Variants in CEP128 observed in about 807,000 individuals in gnomAD.
CEP128 encodes centrosomal protein 128.
Under a neutral mutation model 156.7 loss-of-function variants are expected in CEP128, and 132 were observed. The observed-to-expected ratio is 0.84, with a 90% CI of 0.73 to 0.97. CEP128 has a LOEUF of 0.97. Among genes scored for constraint, CEP128 ranks in the 50% least tolerant of loss-of-function variants. The probability of loss-of-function intolerance (pLI) is 0.00; values close to 1 mark genes in which losing one functional copy is unlikely to be tolerated. For missense variants in CEP128, 1,252 were observed against 1,281.9 expected, an observed-to-expected ratio of 0.98 and a Z score of 0.36; for synonymous variants, 469 against 448.9, an observed-to-expected ratio of 1.04 and a Z score of -0.57.
At chr14:80,546,472 T>C (rs970099036) in intron 21 of CEP128, among the ~76,000 whole-genome samples, 1 of 152,162 alleles carries the variant, frequency 6.6e-6, no homozygotes, top group Non-Finnish European at 1.5e-5. Flanking sequence ...AAAACTAATG[T>C]AGAAGTAGGA....
At chr14:80,840,230 A>G (rs1886286208) in intron 10 of CEP128, among the ~76,000 whole-genome samples, 2 of 152,174 alleles carry the variant, frequency 1.3e-5, no homozygotes, top group Non-Finnish European at 2.9e-5. Flanking sequence ...GTTCATAGAA[A>G]TGAACACACA....
intron 9 of CEP128, 82 bp downstream of exon 9, chr14:80,862,675 T>C (rs1157675482): frequency 1.1e-6 from 1 of 897,368 alleles, no homozygotes; most frequent in Non-Finnish European, 1.9e-6. Flanking sequence ...AATTATACTG[T>C]CACATGCAAT....
chr14:80,782,544 A>G lies in CEP128; in HGVS notation c.2211+2351T>C, dbSNP rs552280361. ...ACTGCTCCTAATTTCTTGGTGCACT[A>G]CTGTCCTATTCTACTTCAGAGAGAA... On this transcript the variant is annotated intron_variant, in intron 15 of 24. Transcript: ENST00000555265. Among the ~76,000 whole-genome samples, 17 of 152,242 alleles carry G rather than the reference A, an allele frequency of 1.1e-4. No homozygotes were observed. The South Asian group carries it at 3.5e-3, about 32-fold the overall frequency.
intron 19 of CEP128, among the ~76,000 whole-genome samples, chr14:80,668,168 G>A (rs1895702477): frequency 6.6e-6 from 1 of 152,110 alleles, no homozygotes; most frequent in Non-Finnish European, 1.5e-5. Flanking sequence ...TATCACTGAG[G>A]AAACAAAGGC....
intron 2 of CEP128, among the ~76,000 whole-genome samples, chr14:80,937,308 G>A (rs977685897): frequency 4.6e-5 from 7 of 152,154 alleles, no homozygotes; most frequent in African/African-American, 1.7e-4. Flanking sequence ...GTGACAGAGT[G>A]AGACCCTGTC....
chr14:80,631,007 T>A (rs1893938151), intron 19 of CEP128, among the ~76,000 whole-genome samples: 1 of 152,044 alleles, frequency 6.6e-6, no homozygotes, highest in Non-Finnish European at 1.5e-5. Flanking sequence ...TTTATCTTTG[T>A]ATTAAGAAAC....
At chr14:80,647,403 T>C (rs1051653491) in intron 19 of CEP128, among the ~76,000 whole-genome samples, 6 of 151,974 alleles carry the variant, frequency 3.9e-5, no homozygotes, top group Admixed American at 3.9e-4. Context: ...CTAATAATTT[T>C]TTTTCTCAGA....
chr14:80,925,862 G>A (rs911209998), intron 2 of CEP128, among the ~76,000 whole-genome samples: 1 of 152,160 alleles, frequency 6.6e-6, no homozygotes, highest in Non-Finnish European at 1.5e-5. Context: ...CTCCCACTGG[G>A]GAGCCGAGCA....
intron 18 of CEP128, among the ~76,000 whole-genome samples, chr14:80,747,664 A>G (rs1357791264): frequency 6.6e-6 from 1 of 152,150 alleles, no homozygotes; most frequent in Non-Finnish European, 1.5e-5. Context: ...AAAATTGGCC[A>G]GGCATGGTGG....
intron 21 of CEP128, among the ~76,000 whole-genome samples, chr14:80,534,589 T>G (rs907005434): frequency 6.6e-6 from 1 of 151,880 alleles, no homozygotes; most frequent in Admixed American, 6.6e-5. Flanking sequence ...ACTTTGGGAG[T>G]CCGAGGCGGG....
At position 80,781,428 on chromosome 14, in the gene CEP128, G is replaced by A. The variant is rs561465865; in HGVS notation, c.2212-3382C>T. On this transcript the variant is annotated intron_variant, in intron 15 of 24. Coordinates refer to ENST00000555265, the MANE Select transcript of CEP128 (RefSeq NM_152446.5). ...GCTGAGATTGCACCACTGCACTCCAGCCTGGTGACAGAGCGAGACTCCGTC... is the reference window on the plus strand; with the variant it reads ...GCTGAGATTGCACCACTGCACTCCAACCTGGTGACAGAGCGAGACTCCGTC... 4.4e-5 allele frequency among the ~76,000 whole-genome samples: 6 copies of A among 136,694 alleles called. 1 individual carries two copies. The highest frequency in any genetic ancestry group is 1.7e-4 in the African/African-American group (6 of 36,206). 89.7% of individuals were successfully genotyped at this position (136,694 alleles called of 152,430 possible). A position where few individuals can be genotyped will look rare whatever the true frequency, so the allele number is the denominator to read the frequency against.
intron 19 of CEP128, among the ~76,000 whole-genome samples, chr14:80,693,022 G>C (rs1419105893): frequency 6.6e-6 from 1 of 152,164 alleles, no homozygotes; most frequent in Non-Finnish European, 1.5e-5. Flanking sequence ...GATGAGACCT[G>C]AGAGTCTACA....
At chr14:80,704,438 A>T (rs1897170532) in intron 19 of CEP128, among the ~76,000 whole-genome samples, 2 of 151,682 alleles carry the variant, frequency 1.3e-5, no homozygotes, top group South Asian at 2.1e-4. Flanking sequence ...AGGAAGACGT[A>T]TACACATTTT....
At chr14:80,583,316 TG>T (rs1419392805) in intron 19 of CEP128, among the ~76,000 whole-genome samples, 1 of 152,168 alleles carries the variant, frequency 6.6e-6, no homozygotes, top group East Asian at 1.9e-4. Flanking sequence ...AGCAGACACC[TG>T]TTTTGGTTTT....
chr14:80,736,264 A>G (rs1469220515), intron 19 of CEP128, among the ~76,000 whole-genome samples: 1 of 151,002 alleles, frequency 6.6e-6, no homozygotes, highest in African/African-American at 2.5e-5. Flanking sequence ...TTTTAAAAAA[A>G]AAAAAACACA....
intron 19 of CEP128, among the ~76,000 whole-genome samples, chr14:80,679,434 T>C (rs1426203973): frequency 1.3e-5 from 2 of 152,130 alleles, no homozygotes; most frequent in Non-Finnish European, 2.9e-5. Context: ...TATAAACAGC[T>C]GCTCTGGGAG....
intron 23 of CEP128, among the ~76,000 whole-genome samples, chr14:80,516,467 C>G (rs558833806): frequency 2.6e-5 from 4 of 152,174 alleles, no homozygotes; most frequent in African/African-American, 9.7e-5. Flanking sequence ...CCTTGACAGC[C>G]CTGGCTGTTG....
At chr14:80,863,059 A>G (rs568153544) in intron 8 of CEP128, among the ~76,000 whole-genome samples, 186 bp from the exon 9 acceptor site, 1 of 152,306 alleles carries the variant, frequency 6.6e-6, no homozygotes, top group South Asian at 2.1e-4. Context: ...AAGTTACAAA[A>G]GAAAGTCATC....
In CEP128 at chr14:80,836,275, T is replaced by C. The variant is rs1238098133; in HGVS notation, c.987A>G (p.Gln329=). The C allele has an allele frequency of 6.2e-7, 1 of 1,613,966 alleles. No individual in the cohort carries two copies. The highest frequency in any genetic ancestry group is 1.3e-5 in the African/African-American group (1 of 74,932). ...ACTGTTGCTTGGAAATCTGAGATAC[T>C]TGATGCTGTAAACCCTTTCGATCAC... ...AEGDRKGLQH[Q]VSQISKQQSN... is the part of the protein sequence containing the mutation. The change falls in exon 12 of 25, where the codon CAA becomes CAG. Residue 329 remains glutamine, a synonymous_variant. Coordinates refer to ENST00000555265, the MANE Select transcript of CEP128 (RefSeq NM_152446.5).
Sources: allele counts gnomAD v4.1 joint callset (sites outside exome capture counted in the v4.1 genomes callset), GRCh38; gene constraint gnomAD v4.1.1; transcripts MANE v1.5; gene names NCBI Gene and HGNC (gene_info 2026-07-23, HGNC 2026-07-21).